Variants in OCA2 observed in about 807,000 individuals in gnomAD.
OCA2 encodes the protein P protein.
A neutral mutation model predicts 100.2 loss-of-function variants in OCA2; 77 were observed. That is an observed-to-expected ratio of 0.77 (90% CI 0.64 to 0.93). The LOEUF (loss-of-function observed/expected upper bound fraction) is 0.93, where lower values mean the gene tolerates loss of function less well. Among genes scored for constraint, OCA2 ranks in the 40% least tolerant of loss-of-function variants. The pLI, the probability that OCA2 is intolerant of heterozygous loss-of-function variation, is 0.00. For missense variants in OCA2, 1,062 were observed against 1,089.1 expected, an observed-to-expected ratio of 0.98 and a Z score of 0.35; for synonymous variants, 432 against 439.2, an observed-to-expected ratio of 0.98 and a Z score of 0.21.
chr15:27,884,609 A>C (rs903636457), intron 19 of OCA2, among the ~76,000 whole-genome samples: 2 of 152,192 alleles, frequency 1.3e-5, no homozygotes, highest in Non-Finnish European at 2.9e-5. Context: ...TATGTTGTTC[A>C]TTCACATTGG....
chr15:27,805,211 G>A (rs1370524499), intron 23 of OCA2, among the ~76,000 whole-genome samples: 1 of 152,244 alleles, frequency 6.6e-6, no homozygotes, highest in Admixed American at 6.5e-5. Context: ...GCCTGGAGCA[G>A]GTGAAAGGTT....
intron 19 of OCA2, among the ~76,000 whole-genome samples, chr15:27,896,817 G>C (rs1170816718): frequency 6.6e-6 from 1 of 152,206 alleles, no homozygotes; most frequent in African/African-American, 2.4e-5. Flanking sequence ...TAAGCCAGCT[G>C]CAGAAATTTG....
At chr15:27,966,250 C>G (rs1421930230) in intron 15 of OCA2, among the ~76,000 whole-genome samples, 1 of 152,240 alleles carries the variant, frequency 6.6e-6, no homozygotes, top group Non-Finnish European at 1.5e-5. Flanking sequence ...GCTGGGATTA[C>G]AGGCGTGAGC....
chr15:27,987,561 A>G (rs958400235), intron 11 of OCA2, among the ~76,000 whole-genome samples: 1 of 151,224 alleles, frequency 6.6e-6, no homozygotes, highest in Admixed American at 6.6e-5. Flanking sequence ...CTACTAAAAA[A>G]AAAAAAAAAT....
In OCA2 at chr15:28,043,648, T is replaced by C. The variant is rs2043268047; in HGVS notation, c.228-11485A>G. Among the ~76,000 whole-genome samples the C allele has an allele frequency of 6.6e-6, 1 of 152,084 alleles. No individual in the cohort carries two copies. The highest frequency in any genetic ancestry group is 2.4e-5 in the African/African-American group (1 of 41,390). ...AATCTCAGCCCAGTGTGCAAAGAAA[T>C]CAGTATTGGAAGGATTGTTTTCAGG... On this transcript the variant is annotated intron_variant, in intron 2 of 23. Transcript: ENST00000354638. This position sits in a 1 kb window ranked among gnomAD's most constrained non-coding sequence, Gnocchi z 4.4.
intron 23 of OCA2, among the ~76,000 whole-genome samples, chr15:27,814,941 TAGATACAGAG>T (rs1347902061): frequency 1.2e-5 from 1 of 85,494 alleles, no homozygotes; most frequent in African/African-American, 4.4e-5. Flanking sequence ...GATAGATAGA[TAGATACAGAG>T]ATATATATAT....
At chr15:28,006,255 G>A (rs553742871) in intron 9 of OCA2, among the ~76,000 whole-genome samples, 2 of 152,010 alleles carry the variant, frequency 1.3e-5, no homozygotes, top group African/African-American at 2.4e-5. Context: ...GCTTCCTTTC[G>A]CCCCACCACC....
intron 23 of OCA2, among the ~76,000 whole-genome samples, chr15:27,826,156 C>T (rs17674169): frequency 0.51 from 76,778 of 152,008 alleles, 19,997 homozygotes; most frequent in South Asian, 0.76. Context: ...GCCCTTTGCC[C>T]GGCACAGTGT....
chr15:28,005,826 C>T (rs2042075454), intron 9 of OCA2, among the ~76,000 whole-genome samples: 1 of 152,160 alleles, frequency 6.6e-6, no homozygotes, highest in Non-Finnish European at 1.5e-5. Flanking sequence ...TTTAATCAGC[C>T]TACTGCACCT....
intron 23 of OCA2, among the ~76,000 whole-genome samples, chr15:27,824,457 C>A (rs1379892141): frequency 6.6e-6 from 1 of 151,132 alleles, no homozygotes; most frequent in Non-Finnish European, 1.5e-5. Flanking sequence ...TCAAGGGCAT[C>A]AAGTTTAAGG....
intron 6 of OCA2, among the ~76,000 whole-genome samples, chr15:28,021,361 G>A (rs1033675349): frequency 6.6e-6 from 1 of 152,088 alleles, no homozygotes; most frequent in Non-Finnish European, 1.5e-5. Context: ...TCAGTTAACC[G>A]CCCACTCCTG....
At chr15:27,749,361 G>C in the OCA2 span, among the ~76,000 whole-genome samples, 19 of 152,288 alleles carry the variant, frequency 1.2e-4, no homozygotes, top group South Asian at 2.9e-3. Flanking sequence ...ACTATGTCCA[G>C]TAAGACTTCC....
chr15:27,781,159 G>A (rs888959912), intron 23 of OCA2, among the ~76,000 whole-genome samples: 3 of 152,142 alleles, frequency 2.0e-5, no homozygotes, highest in Admixed American at 2.0e-4. Context: ...TCCCTTGTGT[G>A]GGTTCAGTCA....
At chr15:28,000,240 T>A (rs1001895494) in intron 9 of OCA2, among the ~76,000 whole-genome samples, 51 of 152,120 alleles carry the variant, frequency 3.4e-4, no homozygotes, top group African/African-American at 1.2e-3. Context: ...ATCAAAACAG[T>A]ATGACTGGCA....
rs191910680 is a variant in OCA2, at chr15:27,805,532, G to A, written c.2432+39427C>T. On this transcript the variant is annotated intron_variant, in intron 23 of 23. Transcript: ENST00000354638. Reference sequence around the variant, plus strand: ...AACCCCAGCACGAGGCCCTGGGAGCGCATGGAGCCGCTCGCCCAGGATGTG... The same window carrying A: ...AACCCCAGCACGAGGCCCTGGGAGCACATGGAGCCGCTCGCCCAGGATGTG... Among the ~76,000 whole-genome samples the A allele has an allele frequency of 2.6e-3, 391 of 152,308 alleles. 1 individual carries two copies. Among genetic ancestry groups the A allele is most frequent in the Non-Finnish European group, 4.5e-3 (308 of 68,014 alleles).
intron 22 of OCA2, among the ~76,000 whole-genome samples, chr15:27,849,763 G>A (rs187437675): frequency 3.0e-4 from 46 of 151,604 alleles, no homozygotes; most frequent in Admixed American, 9.2e-4. Flanking sequence ...CGCTGTGAAT[G>A]TCCCTAATGC....
chr15:27,738,018 C>CCTA, the OCA2 span, among the ~76,000 whole-genome samples: 1 of 152,178 alleles, frequency 6.6e-6, no homozygotes, highest in African/African-American at 2.4e-5. Flanking sequence ...GACACCACCA[C>CCTA]CTACTACTGA....
the OCA2 span, among the ~76,000 whole-genome samples, chr15:27,735,062 T>A: frequency 6.6e-6 from 1 of 151,824 alleles, no homozygotes; most frequent in Non-Finnish European, 1.5e-5. Flanking sequence ...AATTAACTAC[T>A]AAGGAAGCTT....
intron 23 of OCA2, among the ~76,000 whole-genome samples, chr15:27,825,780 A>G (rs566449057): frequency 5.3e-5 from 8 of 152,280 alleles, no homozygotes; most frequent in Admixed American, 5.2e-4. Context: ...CAGCTCCCGC[A>G]GTGATTGGCC....
Sources: allele counts gnomAD v4.1 joint callset (sites outside exome capture counted in the v4.1 genomes callset), GRCh38; gene constraint gnomAD v4.1.1; non-coding constraint Gnocchi (gnomAD v3.1); transcripts MANE v1.5; gene names NCBI Gene and HGNC (gene_info 2026-07-23, HGNC 2026-07-21).